Variants in SHROOM3 observed in about 807,000 individuals in gnomAD.
SHROOM3 encodes shroom family member 3.
A neutral mutation model predicts 138.6 loss-of-function variants in SHROOM3; 47 were observed. That is an observed-to-expected ratio of 0.34 (90% CI 0.27 to 0.43). SHROOM3 has a LOEUF of 0.43. Ranked by LOEUF, SHROOM3 falls within the 20% of genes least tolerant of loss-of-function variation. The probability of loss-of-function intolerance (pLI) is 1.00; values close to 1 mark genes in which losing one functional copy is unlikely to be tolerated. For missense variants in SHROOM3, 2,491 were observed against 2,596.5 expected, an observed-to-expected ratio of 0.96 and a Z score of 0.88; for synonymous variants, 1,062 against 1,063.3, an observed-to-expected ratio of 1.00 and a Z score of 0.02.
intron 1 of SHROOM3, among the ~76,000 whole-genome samples, chr4:76,546,825 C>A (rs1311917022): frequency 6.6e-6 from 1 of 152,172 alleles, no homozygotes; most frequent in African/African-American, 2.4e-5. Context: ...CAATCACATA[C>A]CCCTGCCTTT....
At chr4:76,454,604 C>T (rs1429892447) in intron 1 of SHROOM3, among the ~76,000 whole-genome samples, 1 of 152,102 alleles carries the variant, frequency 6.6e-6, no homozygotes, top group East Asian at 1.9e-4. Context: ...AAGTGTGAAA[C>T]CTACACATTT....
chr4:76,447,142 G>C (rs1352336370), intron 1 of SHROOM3, among the ~76,000 whole-genome samples: 1 of 152,174 alleles, frequency 6.6e-6, no homozygotes, highest in Non-Finnish European at 1.5e-5. Context: ...GGTACAGACA[G>C]ATCCTAGTAT....
chr4:76,678,747 G>A lies in SHROOM3; in HGVS notation c.324-31409G>A, dbSNP rs191177394. On this transcript the variant is annotated intron_variant, in intron 2 of 10. Coordinates refer to ENST00000296043, the MANE Select transcript of SHROOM3 (RefSeq NM_020859.4). Reference sequence around the variant, plus strand: ...GCGATCCTGGCTCACTGCAACCTCCGCCTCCCAGGTTCAAGCAATTCTCCT... The same window carrying A: ...GCGATCCTGGCTCACTGCAACCTCCACCTCCCAGGTTCAAGCAATTCTCCT... Among the ~76,000 whole-genome samples the A allele has an allele frequency of 5.6e-3, 854 of 152,154 alleles. 4 individuals carry two copies. The highest frequency in any genetic ancestry group is 0.017 in the Middle Eastern group (5 of 294).
intron 1 of SHROOM3, among the ~76,000 whole-genome samples, chr4:76,496,156 C>G (rs961858162): frequency 2.0e-4 from 30 of 152,354 alleles, no homozygotes; most frequent in African/African-American, 7.2e-4. Context: ...AATGACATGT[C>G]TAGGATATGC....
chr4:76,619,622 A>G (rs1006918719), intron 2 of SHROOM3, among the ~76,000 whole-genome samples: 10 of 152,222 alleles, frequency 6.6e-5, no homozygotes, highest in Admixed American at 3.3e-4. Context: ...ATACAGACTT[A>G]CTATCTAATG....
At chr4:76,474,608 G>A (rs1731443687) in intron 1 of SHROOM3, among the ~76,000 whole-genome samples, 1 of 152,132 alleles carries the variant, frequency 6.6e-6, no homozygotes, top group African/African-American at 2.4e-5. Context: ...GAAGCTGTCA[G>A]TAGAGAACCA....
chr4:76,563,667 A>G (rs573262364), intron 2 of SHROOM3, among the ~76,000 whole-genome samples: 2 of 152,326 alleles, frequency 1.3e-5, no homozygotes, highest in Non-Finnish European at 2.9e-5. Flanking sequence ...ACATCAAAAG[A>G]TAACTATCAA....
rs1307547765 is a variant in SHROOM3 at position 76,741,290 on chromosome 4, C to T, written c.3117C>T (p.Pro1039=). Reference sequence around the variant, plus strand: ...TCGTGGAGGAGGCCGAACCGGCACCCCTGGGCCCGCAGAGAAATGGGATGC... The same window carrying T: ...TCGTGGAGGAGGCCGAACCGGCACCTCTGGGCCCGCAGAGAAATGGGATGC... ...VGIVEEAEPA[P]LGPQRNGMRF... Residue 1039 remains proline (P), a synonymous_variant, in exon 5 of 11, where the codon CCC becomes CCT. Transcript: ENST00000296043. The surrounding 1 kb of genome is among the most constrained non-coding windows in gnomAD (Gnocchi z 6.2). 1 of 1,612,072 alleles carries T rather than the reference C, an allele frequency of 6.2e-7. No homozygotes were observed. Among genetic ancestry groups the T allele is most frequent in the Non-Finnish European group, 8.5e-7 (1 of 1,179,664 alleles).
chr4:76,662,552 A>G (rs982628476), intron 2 of SHROOM3, among the ~76,000 whole-genome samples: 2 of 152,174 alleles, frequency 1.3e-5, no homozygotes, highest in South Asian at 2.1e-4. Flanking sequence ...TGGGACTTCA[A>G]TTGCATCTGC....
intron 2 of SHROOM3, among the ~76,000 whole-genome samples, chr4:76,658,278 A>G (rs908978381): frequency 1.3e-5 from 2 of 152,204 alleles, no homozygotes; most frequent in African/African-American, 4.8e-5. Context: ...ATCATTACAG[A>G]AATTCCTGCT....
chr4:76,771,412 A>G (rs1004889578), intron 10 of SHROOM3, among the ~76,000 whole-genome samples: 2 of 151,886 alleles, frequency 1.3e-5, no homozygotes, highest in Middle Eastern at 3.2e-3. Flanking sequence ...CTTAAGGCTC[A>G]TGGAATTCTT....
intron 2 of SHROOM3, among the ~76,000 whole-genome samples, chr4:76,566,148 A>T (rs570999256): frequency 1.3e-5 from 2 of 150,984 alleles, no homozygotes; most frequent in African/African-American, 4.9e-5. Flanking sequence ...AAAACAATGG[A>T]TGGTTCATCT....
intron 1 of SHROOM3, among the ~76,000 whole-genome samples, chr4:76,437,574 C>T (rs1284783357): frequency 1.3e-5 from 2 of 152,148 alleles, no homozygotes; most frequent in Non-Finnish European, 2.9e-5. Context: ...TAGACCTTTG[C>T]TTTCATCTCA....
chr4:76,632,793 A>G (rs574237519), intron 2 of SHROOM3, among the ~76,000 whole-genome samples: 1 of 152,314 alleles, frequency 6.6e-6, no homozygotes, highest in South Asian at 2.1e-4. Context: ...TGCTGTGTCT[A>G]CTTGGGGGGA....
chr4:76,739,579 C>A lies in SHROOM3; in HGVS notation c.1406C>A (p.Pro469Gln). ...GQPLLPTSIY[P>Q]VPSLEPHFAQ... ...CCTCTGCTGCCGACCAGCATCTACC[C>A]GGTACCTTCCCTGGAGCCACACTTT... Residue 469 changes from proline (P) to glutamine (Q), a missense_variant, in exon 5 of 11, where the codon CCG (proline) becomes CAG (glutamine). By Grantham distance (76) the Pro-to-Gln change is moderately conservative. This residue lies in a region of SHROOM3 where 1,733 missense variants were observed against 1,661.6 expected (regional missense o/e 1.04). Coordinates refer to ENST00000296043, the MANE Select transcript of SHROOM3 (RefSeq NM_020859.4). 1 of 1,614,206 alleles carries A rather than the reference C, an allele frequency of 6.2e-7. No homozygotes were observed. Among genetic ancestry groups the A allele is most frequent in the Non-Finnish European group, 8.5e-7 (1 of 1,180,032 alleles).
chr4:76,493,627 A>G (rs527422909), intron 1 of SHROOM3, among the ~76,000 whole-genome samples: 35 of 152,300 alleles, frequency 2.3e-4, no homozygotes, highest in Middle Eastern at 3.4e-3. Flanking sequence ...TTCCTCACGC[A>G]TTCTTAAGTA....
chr4:76,756,642 A>G lies in SHROOM3; in HGVS notation c.4903A>G (p.Ile1635Val). The G allele has an allele frequency of 1.2e-6, 2 of 1,613,542 alleles. No individual in the cohort carries two copies. Among genetic ancestry groups the G allele is most frequent in the East Asian group, 2.2e-5 (1 of 44,832 alleles). ...GTCTCTTGGTGGGCAGCCAGCACCC[A>G]TCCAGACTCAAAGCCTCAGCCATGA... ...AGSLGGQPAP[I>V]QTQSLSHDPV... Residue 1635 changes from isoleucine to valine, a missense_variant, in exon 8 of 11, where the codon ATC (isoleucine) becomes GTC (valine). By Grantham distance (29) the Ile-to-Val change is conservative (BLOSUM62 3). Coordinates refer to ENST00000296043, the MANE Select transcript of SHROOM3 (RefSeq NM_020859.4).
At chr4:76,579,216 C>A (rs910401696) in intron 2 of SHROOM3, among the ~76,000 whole-genome samples, 4 of 151,906 alleles carry the variant, frequency 2.6e-5, no homozygotes, top group African/African-American at 9.7e-5. Flanking sequence ...CGCCTGTAAT[C>A]CCAGCACTTT....
At chr4:76,597,319 G>A (rs1734411741) in intron 2 of SHROOM3, among the ~76,000 whole-genome samples, 1 of 152,198 alleles carries the variant, frequency 6.6e-6, no homozygotes, top group South Asian at 2.1e-4. Flanking sequence ...TGAGTGACTA[G>A]GAGAGTAGAG....
Sources: allele counts gnomAD v4.1 joint callset (sites outside exome capture counted in the v4.1 genomes callset), GRCh38; gene constraint gnomAD v4.1.1; regional missense constraint gnomAD v4.1.1; non-coding constraint Gnocchi (gnomAD v3.1); transcripts MANE v1.5; gene names NCBI Gene and HGNC (gene_info 2026-07-23, HGNC 2026-07-21).